The following ECE1 variants were observed in gnomAD, a reference collection of about 807,000 sequenced individuals.
ECE1 encodes endothelin-converting enzyme 1.
A neutral mutation model predicts 98.6 loss-of-function variants in ECE1; 35 were observed. The observed-to-expected ratio is 0.35, with a 90% CI of 0.27 to 0.47. The LOEUF is 0.47. ECE1 is among the 20% of genes least tolerant of loss of function. ECE1 has a pLI of 1.00. For synonymous variants in ECE1, 394 were observed against 407.1 expected, an observed-to-expected ratio of 0.97 and a Z score of 0.39; for missense variants, 814 against 1,025.3, an observed-to-expected ratio of 0.79 and a Z score of 2.81.
At chr1:21,302,322 A>G (rs563577271) in intron 1 of ECE1, among the ~76,000 whole-genome samples, 3 of 152,166 alleles carry the variant, frequency 2.0e-5, no homozygotes, top group Non-Finnish European at 4.4e-5. Flanking sequence ...TAAGCGCCCT[A>G]CACACATCAC....
chr1:21,268,788 C>T (rs963760434), intron 4 of ECE1, among the ~76,000 whole-genome samples: 1 of 152,188 alleles, frequency 6.6e-6, no homozygotes, highest in Non-Finnish European at 1.5e-5. Flanking sequence ...GGCCTTAAGC[C>T]CAAGAATGCA....
intron 2 of ECE1, 119 bp downstream of exon 2, chr1:21,289,951 C>G: frequency 8.8e-7 from 1 of 1,130,302 alleles, no homozygotes; most frequent in Non-Finnish European, 1.1e-6. Context: ...GATGCCGGGA[C>G]GAGGGAGGGG....
chr1:21,308,398 G>A (rs181573660), intron 1 of ECE1, among the ~76,000 whole-genome samples: 6 of 152,182 alleles, frequency 3.9e-5, no homozygotes, highest in African/African-American at 9.6e-5. Context: ...CCCCACAAAC[G>A]GCAAAGCACT....
rs1015013896 is a variant in ECE1 at position 21,279,812 on chromosome 1, G to A, written c.139-480C>T. The A allele has an allele frequency of 3.8e-5, 27 of 718,018 alleles. 1 individual carries two copies. The East Asian group carries it at 5.2e-4, about 14-fold the overall frequency. 44.5% of individuals were successfully genotyped at this position (718,018 alleles called of 1,614,324 possible). ...GCTCATTAAACCCTCATAATCCCAC[G>A]CAAAAACACGCGAGCCACCTTGTTA... On this transcript the variant is annotated intron_variant, in intron 2 of 18. Transcript: ENST00000374893.
chr1:21,268,167 C>T (rs2098236238), intron 4 of ECE1, among the ~76,000 whole-genome samples: 1 of 152,180 alleles, frequency 6.6e-6, no homozygotes, highest in African/African-American at 2.4e-5. Context: ...TGAGAAAAGT[C>T]TCGGAGGCTT....
chr1:21,302,821 T>TAC (rs1638515562), intron 1 of ECE1, among the ~76,000 whole-genome samples: 1 of 152,158 alleles, frequency 6.6e-6, no homozygotes, highest in South Asian at 2.1e-4. Flanking sequence ...TCCCCTCCCG[T>TAC]ACCTTCCCCA....
intron 14 of ECE1, among the ~76,000 whole-genome samples, chr1:21,231,473 C>G (rs1472024739): frequency 6.6e-6 from 1 of 151,926 alleles, no homozygotes; most frequent in Non-Finnish European, 1.5e-5. Context: ...TCCCAAGTAG[C>G]TGGGATTACA....
intron 4 of ECE1, among the ~76,000 whole-genome samples, chr1:21,261,970 C>G (rs935309678): frequency 1.3e-5 from 2 of 152,176 alleles, no homozygotes; most frequent in Non-Finnish European, 2.9e-5. Context: ...TCACTTGGAG[C>G]AAAGGACATG....
chr1:21,239,687 A>G (rs934858974), intron 10 of ECE1, among the ~76,000 whole-genome samples: 1 of 152,192 alleles, frequency 6.6e-6, no homozygotes, highest in African/African-American at 2.4e-5. Flanking sequence ...GCTGACAGGA[A>G]AGGGGCATGA....
chr1:21,246,404 C>T (rs12564654), intron 9 of ECE1, among the ~76,000 whole-genome samples: 31,758 of 147,094 alleles, frequency 0.22, 4,138 homozygotes, highest in Non-Finnish European at 0.29. Flanking sequence ...GAGGCTGAGG[C>T]AGGAGAATCA....
chr1:21,342,900 C>T (rs1239916286), intron 1 of ECE1, among the ~76,000 whole-genome samples: 1 of 152,188 alleles, frequency 6.6e-6, no homozygotes, highest in Admixed American at 6.5e-5. Flanking sequence ...GGTCAACAAT[C>T]CACCGTGGAC....
intron 1 of ECE1, among the ~76,000 whole-genome samples, chr1:21,301,827 GAAAAAAAAAAA>G (rs34861827): frequency 7.4e-4 from 25 of 33,934 alleles, no homozygotes; most frequent in South Asian, 3.5e-3. Context: ...CCCTGTCTCA[GAAAAAAAAAAA>G]AAAAAAAAAA....
At chr1:21,283,215 A>G (rs1441770153) in intron 2 of ECE1, among the ~76,000 whole-genome samples, 2 of 151,762 alleles carry the variant, frequency 1.3e-5, no homozygotes, top group Non-Finnish European at 2.9e-5. Flanking sequence ...AAAATGCTGG[A>G]ATTATAGGCG....
In ECE1 at chr1:21,235,004, C is replaced by T. The variant is rs111486308; in HGVS notation, c.1566+846G>A. On this transcript the variant is annotated intron_variant, in intron 13 of 18. Coordinates refer to ENST00000374893, the MANE Select transcript of ECE1 (RefSeq NM_001397.3). This position sits in a 1 kb window ranked among gnomAD's most constrained non-coding sequence, Gnocchi z 4.2. The stretch of plus-strand genomic sequence containing the variant: ...TCTTAGGTTCTAAATATAACCATGA[C>T]GAGAGGTTATTAGATTTTTAAATGC... Among the ~76,000 whole-genome samples, 634 of 152,160 alleles carry T rather than the reference C, an allele frequency of 4.2e-3. 6 individuals carry two copies. The highest frequency in any genetic ancestry group is 0.02 in the Middle Eastern group (6 of 294).
Position 21,272,757 on chromosome 1 carries a change from G to A in ECE1, c.435C>T (p.Arg145=), listed in dbSNP as rs1165558815. ...KANPVPDGHS[R]WGTFSNLWEH... is the part of the protein sequence containing the mutation. ...CCCAGAGGTTGCTGAAGGTCCCCCA[G>A]CGTGAGTGGCCATCAGGGACTGGGT... Residue 145 remains arginine, a synonymous_variant, in exon 4 of 19, where the codon CGC becomes CGT. Coordinates refer to ENST00000374893, the MANE Select transcript of ECE1 (RefSeq NM_001397.3). The A allele has an allele frequency of 1.1e-5, 18 of 1,614,150 alleles. No homozygotes were observed. The highest frequency in any genetic ancestry group is 1.0e-4 in the Admixed American group (6 of 60,014).
intron 4 of ECE1, among the ~76,000 whole-genome samples, chr1:21,264,265 T>C (rs966610479): frequency 2.6e-5 from 4 of 151,670 alleles, no homozygotes; most frequent in Non-Finnish European, 4.4e-5. Context: ...GAGTGCATTG[T>C]CTTGAACTCC....
chr1:21,289,611 A>C (rs1169870177), intron 2 of ECE1, among the ~76,000 whole-genome samples: 1 of 152,156 alleles, frequency 6.6e-6, no homozygotes, highest in Non-Finnish European at 1.5e-5. Context: ...CTCCCGGATA[A>C]GGTGACCAAC....
In ECE1 at chr1:21,233,054, C is replaced by G. The variant is rs913711681; in HGVS notation, c.1670+504G>C. The G allele has an allele frequency of 6.2e-6, 1 of 161,616 alleles. No homozygotes were observed. The highest frequency in any genetic ancestry group is 1.4e-5 in the Non-Finnish European group (1 of 73,150). 10.0% of individuals were successfully genotyped at this position (161,616 alleles called of 1,614,324 possible). On this transcript the variant is annotated intron_variant, in intron 14 of 18. Transcript: ENST00000374893. This position sits in a 1 kb window ranked among gnomAD's most constrained non-coding sequence, Gnocchi z 4.0. The stretch of plus-strand genomic sequence containing the variant: ...AGCTTTGGGAAGCACAGCTGTCAAG[C>G]CCATCCAGAACCTTCCCCAGGCCTC...
intron 17 of ECE1, among the ~76,000 whole-genome samples, chr1:21,222,343 T>C (rs1416772351): frequency 6.6e-6 from 1 of 152,142 alleles, no homozygotes; most frequent in Admixed American, 6.6e-5. Context: ...GTCTCTTGCC[T>C]GGACAACCTC....
Sources: gnomAD v4.1 joint callset for allele counts (sites outside exome capture counted in the v4.1 genomes callset) on GRCh38, gnomAD v4.1.1 for gene constraint, Gnocchi (gnomAD v3.1) non-coding constraint, MANE v1.5 for transcripts, NCBI Gene and HGNC (gene_info 2026-07-23, HGNC 2026-07-21) for gene names.